The following UIMC1 variants were observed in gnomAD, a reference collection of about 807,000 sequenced individuals.
UIMC1 encodes the protein ubiquitin interaction motif containing 1.
A neutral mutation model predicts 84.9 loss-of-function variants in UIMC1; 42 were observed. The observed-to-expected ratio is 0.49, with a 90% confidence interval of 0.39 to 0.64. UIMC1 has a LOEUF of 0.64. UIMC1 is among the 30% of genes least tolerant of loss of function. The probability of loss-of-function intolerance (pLI) is 0.00; values close to 1 mark genes in which losing one functional copy is unlikely to be tolerated. For missense variants in UIMC1, 825 were observed against 847.6 expected, an observed-to-expected ratio of 0.97 and a Z score of 0.33; for synonymous variants, 281 against 293.0, an observed-to-expected ratio of 0.96 and a Z score of 0.42.
chr5:176,934,228 T>C (rs1056313729), intron 10 of UIMC1, among the ~76,000 whole-genome samples: 12 of 152,182 alleles, frequency 7.9e-5, no homozygotes, highest in African/African-American at 2.9e-4. Flanking sequence ...TCAATGACTT[T>C]AGAGATAAAA....
intron 13 of UIMC1, 25 bp downstream of exon 13, chr5:176,907,089 A>C (rs1355955392): frequency 6.2e-7 from 1 of 1,612,498 alleles, no homozygotes. Context: ...GCAGAAGCCC[A>C]GAAAACTGGT....
chr5:176,973,286 T>C (rs966404249), intron 3 of UIMC1, among the ~76,000 whole-genome samples: 1 of 152,156 alleles, frequency 6.6e-6, no homozygotes, highest in Non-Finnish European at 1.5e-5. Context: ...AAATTGGTTC[T>C]TGGAGGCAAA....
intron 10 of UIMC1, among the ~76,000 whole-genome samples, chr5:176,934,464 T>C (rs939270513): frequency 3.9e-5 from 6 of 152,184 alleles, no homozygotes; most frequent in African/African-American, 1.4e-4. Flanking sequence ...AACGGGTATC[T>C]TGAAACCGTG....
chr5:176,946,230 AAG>A (rs2149446962), intron 9 of UIMC1, among the ~76,000 whole-genome samples: 1 of 152,272 alleles, frequency 6.6e-6, no homozygotes, highest in African/African-American at 2.4e-5. Context: ...CCTAGGAACA[AAG>A]AGAGAGCCCC....
At chr5:176,941,848 CT>C (rs561667860) in intron 10 of UIMC1, among the ~76,000 whole-genome samples, 5,911 of 145,810 alleles carry the variant, frequency 0.041, 142 homozygotes, top group South Asian at 0.13. Flanking sequence ...TTGGTACAGA[CT>C]TTTTTTTTTT....
At chr5:176,969,919 G>T in intron 4 of UIMC1, 1 of 480,468 alleles carries the variant, frequency 2.1e-6, no homozygotes, top group South Asian at 3.1e-5. Context: ...AAAACAGGGA[G>T]GCAAATGGCA....
chr5:177,007,030 G>T (rs73343910), upstream of UIMC1, among the ~76,000 whole-genome samples: 1,419 of 152,300 alleles, frequency 9.3e-3, 24 homozygotes, highest in African/African-American at 0.032. Flanking sequence ...TTATGACCCA[G>T]CAATTTCACG....
chr5:176,953,914 A>T (rs1020681442), intron 8 of UIMC1, among the ~76,000 whole-genome samples: 1 of 152,118 alleles, frequency 6.6e-6, no homozygotes, highest in Non-Finnish European at 1.5e-5. Flanking sequence ...TTTGGAACAA[A>T]TTTTTTCAGA....
chr5:176,956,826 C>CT (rs1311368025), intron 7 of UIMC1, among the ~76,000 whole-genome samples: 1 of 151,886 alleles, frequency 6.6e-6, no homozygotes, highest in African/African-American at 2.4e-5. Flanking sequence ...CAACTGAACT[C>CT]ATGATAAATA....
intron 6 of UIMC1, among the ~76,000 whole-genome samples, chr5:176,965,844 A>G (rs1363031547): frequency 1.3e-5 from 2 of 152,226 alleles, no homozygotes; most frequent in Non-Finnish European, 2.9e-5. Context: ...TCTATGATGT[A>G]GAGCTCTGGC....
rs1277741697 is a variant in UIMC1, at chr5:177,005,018, C to G, written c.-9+1632G>C. ...AAGCAATCCTCCTACCTCAGTTTCC[C>G]GAGAAGCTGGGAACCACAGGCACGC... On this transcript the variant is annotated intron_variant, in intron 1 of 14. Coordinates refer to ENST00000511320, the MANE Select transcript of UIMC1 (RefSeq NM_001199298.2). Among the ~76,000 whole-genome samples, 3 of 152,138 alleles carry G rather than the reference C, an allele frequency of 2.0e-5. No individual in the cohort carries two copies. In the East Asian group the frequency reaches 5.8e-4, roughly 29 times the overall value.
At position 176,968,767 on chromosome 5, in the gene UIMC1, AAGG is replaced by A. The variant is rs1561845931; in HGVS notation, c.985_987del (p.Pro329del). On this transcript the variant is annotated inframe_deletion, in exon 6 of 15. Coordinates refer to ENST00000511320, the MANE Select transcript of UIMC1 (RefSeq NM_001199298.2). ...TGGCCACATTCATTCTGGATCAGAGAAGGAGGTCTAGGTAACACTGGTTCCCCA... is the reference window on the plus strand; with the variant it reads ...TGGCCACATTCATTCTGGATCAGAGAAGGTCTAGGTAACACTGGTTCCCCA... The A allele has an allele frequency of 3.7e-6, 6 of 1,614,116 alleles. No individual in the cohort carries two copies. The highest frequency in any genetic ancestry group is 1.1e-5 in the South Asian group (1 of 91,082).
intron 10 of UIMC1, among the ~76,000 whole-genome samples, chr5:176,928,682 T>G (rs537257762): frequency 5.8e-4 from 88 of 152,220 alleles, no homozygotes; most frequent in Non-Finnish European, 1.1e-3. Context: ...CTGAGCGCAG[T>G]GGCCCACGCC....
intron 6 of UIMC1, among the ~76,000 whole-genome samples, chr5:176,960,336 A>T (rs1441453945): frequency 6.6e-6 from 1 of 152,184 alleles, no homozygotes; most frequent in Non-Finnish European, 1.5e-5. Context: ...ATTTCAATAC[A>T]TTATTTTAAT....
intron 1 of UIMC1, among the ~76,000 whole-genome samples, chr5:176,997,827 A>G (rs1773858246): frequency 6.6e-6 from 1 of 151,984 alleles, no homozygotes; most frequent in Non-Finnish European, 1.5e-5. Flanking sequence ...GCTCTCTCAC[A>G]GTTCTTAAGC....
At position 176,960,628 on chromosome 5, in the gene UIMC1, C is replaced by CCTCCGTCTCCGTCTCCGTCTCCGT. The variant is rs72221323; in HGVS notation, c.1201-2498_1201-2475dup. Among the ~76,000 whole-genome samples, 4 of 31,298 alleles carry CCTCCGTCTCCGTCTCCGTCTCCGT rather than the reference C, an allele frequency of 1.3e-4. 1 individual carries two copies. The highest frequency in any genetic ancestry group is 1.0e-3 in the African/African-American group (3 of 2,998). 20.5% of individuals were successfully genotyped at this position (31,298 alleles called of 152,430 possible). A position where few individuals can be genotyped will look rare whatever the true frequency, so the allele number is the denominator to read the frequency against. On this transcript the variant is annotated intron_variant, in intron 6 of 14. Transcript: ENST00000511320. Reference sequence around the variant, plus strand: ...CTCTCCCTCTCCCCCTCCCCCTCCCCCTCCGTCTCCGTCTCCGTCTCCGTC... The same window carrying CCTCCGTCTCCGTCTCCGTCTCCGT: ...CTCTCCCTCTCCCCCTCCCCCTCCCCCTCCGTCTCCGTCTCCGTCTCCGTCTCCGTCTCCGTCTCCGTCTCCGTC...
In UIMC1 at chr5:176,957,063, T is replaced by C. The variant is rs757584197; in HGVS notation, c.1263-1028A>G. 9.2e-5 allele frequency among the ~76,000 whole-genome samples: 14 copies of C among 152,270 alleles called. No individual in the cohort carries two copies. In the South Asian group the frequency reaches 1.2e-3, roughly 14 times the overall value. The stretch of plus-strand genomic sequence containing the variant: ...TCTCTCCTGGTGACAAAGTGTATAA[T>C]CATTTATTAAAACCTACATCTGCTC... On this transcript the variant is annotated intron_variant, in intron 7 of 14. Coordinates refer to ENST00000511320, the MANE Select transcript of UIMC1 (RefSeq NM_001199298.2).
rs751812434 is a variant in UIMC1 at position 176,970,730 on chromosome 5, T to C, written c.357+12A>G. 3.7e-6 allele frequency: 6 copies of C among 1,613,918 alleles called. No individual in the cohort carries two copies. The African/African-American group carries it at 6.7e-5, about 18-fold the overall frequency. On this transcript the variant is annotated intron_variant, in intron 4 of 14. Transcript: ENST00000511320. ...TCAATCTCCACAAACTTTTGCAACA[T>C]GGCATATTTACATTCAGGCTTTCAG...
In UIMC1 at chr5:176,988,647, A is replaced by C. The variant is rs115421846; in HGVS notation, c.-8-6024T>G. ...TAAAAGCCACCAAATTGTACACTTA[A>C]AATGACTGAAATGGTAGATTTTGTT... On this transcript the variant is annotated intron_variant, in intron 1 of 14. Coordinates refer to ENST00000511320, the MANE Select transcript of UIMC1 (RefSeq NM_001199298.2). Among the ~76,000 whole-genome samples, 1,221 of 152,214 alleles carry C rather than the reference A, an allele frequency of 8.0e-3. 10 individuals are homozygous for C. The highest frequency in any genetic ancestry group is 0.014 in the Middle Eastern group (4 of 294).
Sources: allele counts gnomAD v4.1 joint callset (sites outside exome capture counted in the v4.1 genomes callset), GRCh38; gene constraint gnomAD v4.1.1; transcripts MANE v1.5; gene names NCBI Gene and HGNC (gene_info 2026-07-23, HGNC 2026-07-21).